The following GP2 variants were observed in gnomAD, a reference collection of about 807,000 sequenced individuals.
GP2 encodes pancreatic secretory granule membrane major glycoprotein GP2.
In GP2, 58 loss-of-function variants were observed where a neutral mutation model predicts 60.8. That is an observed-to-expected ratio of 0.95 (90% CI 0.77 to 1.19). The LOEUF is 1.19. Ranked by LOEUF, GP2 falls within the 50% of genes most tolerant of loss-of-function variation. The pLI is 0.00. For missense variants in GP2, 647 were observed against 667.4 expected (o/e 0.97, Z 0.34); for synonymous variants, 280 against 253.4 (o/e 1.10, Z -1.00).
intron 10 of GP2, among the ~76,000 whole-genome samples, chr16:20,313,524 C>T (rs1313560804): frequency 1.3e-5 from 2 of 152,186 alleles, no homozygotes; most frequent in Non-Finnish European, 2.9e-5. Context: ...GGCTCATTCC[C>T]CTAACATTTG....
chr16:20,317,402 T>A (rs187476831), intron 7 of GP2, 27 bp from the exon 8 acceptor site: 289 of 1,595,394 alleles, frequency 1.8e-4, no homozygotes, highest in Middle Eastern at 6.7e-4. Context: ...GGCAAAGGTG[T>A]AACTTCTAAA....
At chr16:20,317,035 C>T (rs1964197257) in intron 8 of GP2, among the ~76,000 whole-genome samples, 178 bp downstream of exon 8, 1 of 150,180 alleles carries the variant, frequency 6.7e-6, no homozygotes, top group Non-Finnish European at 1.5e-5. Flanking sequence ...TTCTGTCCAT[C>T]CTTCCCTTCC....
In GP2 at chr16:20,311,234, A is replaced by T. The variant is rs1963985602; in HGVS notation, c.1594T>A (p.Trp532Arg). The T allele has an allele frequency of 6.2e-7, 1 of 1,609,932 alleles. No homozygotes were observed. Among genetic ancestry groups the T allele is most frequent in the Non-Finnish European group, 8.5e-7 (1 of 1,176,244 alleles). The change falls in exon 11 of 11, where the codon TGG becomes AGG. Residue 532 changes from tryptophan (W) to arginine (R), a missense_variant. Transcript: ENST00000302555. ...GCTCAGCGGAGCTCTCAGAACAGCCAAGCCAGGAGGACAGTCAGGAGGACC... is the reference window on the plus strand; with the variant it reads ...GCTCAGCGGAGCTCTCAGAACAGCCTAGCCAGGAGGACAGTCAGGAGGACC... The part of the protein sequence containing the change: ...PMVLLTVLLA[W>R]LF
At position 20,322,995 on chromosome 16, in the gene GP2, T is replaced by G. The variant is rs1171732097; in HGVS notation, c.536-16A>C. 5 of 1,449,528 alleles carry G rather than the reference T, an allele frequency of 3.4e-6. No individual in the cohort carries two copies. In the African/African-American group the frequency reaches 7.0e-5, roughly 20 times the overall value. The allele number at this position is 1,449,528 out of a possible 1,614,324, so 89.8% of individuals were successfully genotyped here. The stretch of plus-strand genomic sequence containing the variant: ...GTGGATGGGTCTAGGTGATGGGGCA[T>G]GGAGAGAGAAGATCAGGATGCAGTG... On this transcript the variant is annotated splice_polypyrimidine_tract_variant and intron_variant, in intron 3 of 10. Transcript: ENST00000302555.
chr16:20,316,079 A>G (rs987573517), intron 8 of GP2, 39 bp from the exon 9 acceptor site: 9 of 1,312,698 alleles, frequency 6.9e-6, no homozygotes, highest in African/African-American at 1.4e-5. Context: ...CAAAATTTAA[A>G]TGCCTGGATT....
rs1262666173 is a variant in GP2 at position 20,315,950 on chromosome 16, A to G, written c.1501+6T>C. On this transcript the variant is annotated splice_donor_region_variant and intron_variant, in intron 9 of 10. Transcript: ENST00000302555. The stretch of plus-strand genomic sequence containing the variant: ...CTGGTCTTGTCACTGGGATTTGGCC[A>G]CTTACCTCTCCGAGTGATGGGCCCC... 3 of 1,592,644 alleles carry G rather than the reference A, an allele frequency of 1.9e-6. No individual in the cohort carries two copies. In the African/African-American group the frequency reaches 4.0e-5, roughly 21 times the overall value.
chr16:20,314,435 C>T (rs1452788999), intron 10 of GP2, among the ~76,000 whole-genome samples: 2 of 152,028 alleles, frequency 1.3e-5, no homozygotes, highest in Non-Finnish European at 1.5e-5. Context: ...GCCATCACAT[C>T]TTCAGTGCCT....
At chr16:20,323,762 T>G in intron 3 of GP2, 54 bp downstream of exon 3, 1 of 1,195,092 alleles carries the variant, frequency 8.4e-7, no homozygotes, top group Non-Finnish European at 1.2e-6. Context: ...CTACTGAGCC[T>G]GGGAGGCATC....
intron 4 of GP2, among the ~76,000 whole-genome samples, chr16:20,322,366 A>G (rs999713145): frequency 1.3e-5 from 2 of 152,142 alleles, no homozygotes; most frequent in African/African-American, 4.8e-5. Context: ...ACCTCCTGGG[A>G]CGAGAAATTC....
intron 6 of GP2, 75 bp from the exon 7 acceptor site, chr16:20,318,505 C>A: frequency 7.3e-7 from 1 of 1,369,990 alleles, no homozygotes. Context: ...ACTTAACACA[C>A]TTACGAAGGC....
chr16:20,326,520 G>A, intron 1 of GP2, 53 bp from the exon 2 acceptor site: 4 of 1,451,336 alleles, frequency 2.8e-6, no homozygotes, highest in Non-Finnish European at 3.8e-6. Context: ...TATGTTCTTA[G>A]AAACAGATCC....
At chr16:20,327,134 G>A (rs1352130378) in intron 1 of GP2, among the ~76,000 whole-genome samples, 1 of 152,130 alleles carries the variant, frequency 6.6e-6, no homozygotes, top group Non-Finnish European at 1.5e-5. Context: ...TTTCGGGCAG[G>A]GATACCATGA....
intron 10 of GP2, among the ~76,000 whole-genome samples, chr16:20,314,125 C>A (rs750529368): frequency 2.6e-5 from 4 of 151,662 alleles, no homozygotes; most frequent in African/African-American, 9.7e-5. Flanking sequence ...CTAATGCATG[C>A]GGGACTTAAA....
chr16:20,318,232 G>T lies in GP2; in HGVS notation c.1206C>A (p.Pro402=). The T allele has an allele frequency of 6.2e-7, 1 of 1,611,982 alleles. No individual in the cohort carries two copies. The highest frequency in any genetic ancestry group is 1.1e-5 in the South Asian group (1 of 91,034). The change falls in exon 7 of 11, where the codon CCC becomes CCA. Residue 402 remains proline (P), a synonymous_variant. Coordinates refer to ENST00000302555, the MANE Select transcript of GP2 (RefSeq NM_001502.4). Reference sequence around the variant, plus strand: ...TCACAAGGTCAGCCTTGTCTTCAGTGGGGGTGGCATAGCAGTTCCTCAACA... The same window carrying T: ...TCACAAGGTCAGCCTTGTCTTCAGTTGGGGTGGCATAGCAGTTCCTCAACA... ...NLVLRNCYAT[P]TEDKADLVKY... is the part of the protein sequence containing the mutation.
At chr16:20,325,700 G>T (rs1964512936) in intron 2 of GP2, among the ~76,000 whole-genome samples, 1 of 152,066 alleles carries the variant, frequency 6.6e-6, no homozygotes, top group African/African-American at 2.4e-5. Flanking sequence ...CATTAAAGGG[G>T]CTTTCTAAAA....
At chr16:20,317,766 A>G (rs972538792) in intron 7 of GP2, among the ~76,000 whole-genome samples, 4 of 152,250 alleles carry the variant, frequency 2.6e-5, no homozygotes, top group South Asian at 2.1e-4. Context: ...AATATTAGCT[A>G]GGATTATTAC....
chr16:20,316,141 G>T, intron 8 of GP2, 101 bp from the exon 9 acceptor site: 2 of 735,934 alleles, frequency 2.7e-6, no homozygotes, highest in South Asian at 1.5e-5. Flanking sequence ...ACTGTGTCCA[G>T]AACTGGTTCA....
chr16:20,316,139 C>A, intron 8 of GP2, 99 bp from the exon 9 acceptor site: 1 of 746,052 alleles, frequency 1.3e-6, no homozygotes, highest in Non-Finnish European at 2.4e-6. Context: ...GAACTGTGTC[C>A]AGAACTGGTT....
rs2141601902 is a variant in GP2, at chr16:20,319,693, T to C, written c.934A>G (p.Asn312Asp). The C allele has an allele frequency of 6.2e-7, 1 of 1,608,524 alleles. No homozygotes were observed. The highest frequency in any genetic ancestry group is 8.5e-7 in the Non-Finnish European group (1 of 1,174,858). The change falls in exon 6 of 11, where the codon AAC becomes GAC. Residue 312 changes from asparagine to aspartate, a missense_variant. Coordinates refer to ENST00000302555, the MANE Select transcript of GP2 (RefSeq NM_001502.4). ...NDFIIRDTILNINFQCAYPLD... is the reference protein window; with the variant it reads ...NDFIIRDTILDINFQCAYPLD... ...GGGTAGGCACATTGGAAGTTGATGT[T>C]GAGGATGGTGTCTCTGATGATGAAA...
Sources: gnomAD v4.1 joint callset for allele counts (sites outside exome capture counted in the v4.1 genomes callset) on GRCh38, gnomAD v4.1.1 for gene constraint, MANE v1.5 for transcripts, NCBI Gene and HGNC (gene_info 2026-07-23, HGNC 2026-07-21) for gene names.